Variants in FAM117A observed in about 807,000 individuals in gnomAD.
FAM117A encodes the protein family with sequence similarity 117 member A, also known as protein FAM117A.
Under a neutral mutation model 44.1 loss-of-function variants are expected in FAM117A, and 21 were observed. That is an observed-to-expected ratio of 0.48 (90% CI 0.34 to 0.69). The LOEUF (loss-of-function observed/expected upper bound fraction) is 0.69, where lower values mean the gene tolerates loss of function less well. Ranked by LOEUF, FAM117A falls within the 30% of genes least tolerant of loss-of-function variation. The probability of loss-of-function intolerance (pLI) is 0.01; values close to 1 mark genes in which losing one functional copy is unlikely to be tolerated. For synonymous variants in FAM117A, 220 were observed against 238.3 expected, an observed-to-expected ratio of 0.92 and a Z score of 0.71; for missense variants, 498 against 589.9, an observed-to-expected ratio of 0.84 and a Z score of 1.61.
chr17:49,713,477 A>G (rs2143687533), intron 7 of FAM117A, among the ~76,000 whole-genome samples: 1 of 152,214 alleles, frequency 6.6e-6, no homozygotes, highest in Admixed American at 6.5e-5. Context: ...ACTCAGAGAA[A>G]AATGCACTCA....
At chr17:49,715,531 C>T (rs1425436460) in intron 7 of FAM117A, among the ~76,000 whole-genome samples, 4 of 152,172 alleles carry the variant, frequency 2.6e-5, no homozygotes, top group East Asian at 3.9e-4. Flanking sequence ...TCAATTCTTT[C>T]GGCTAATGGG....
intron 1 of FAM117A, among the ~76,000 whole-genome samples, chr17:49,751,279 C>CA (rs746063068): frequency 0.041 from 1,719 of 42,090 alleles, 31 homozygotes; most frequent in East Asian, 0.17. Flanking sequence ...AATCTGTCTC[C>CA]AAAAAAAAAA....
chr17:49,772,867 C>T (rs943213941), intron 1 of FAM117A, among the ~76,000 whole-genome samples: 1 of 152,002 alleles, frequency 6.6e-6, no homozygotes, highest in Non-Finnish European at 1.5e-5. Context: ...AGCTTATTTT[C>T]AGAGTTGAAA....
intron 1 of FAM117A, among the ~76,000 whole-genome samples, chr17:49,759,574 G>A (rs1415167148): frequency 6.6e-6 from 1 of 152,152 alleles, no homozygotes; most frequent in Non-Finnish European, 1.5e-5. Context: ...GGCATAGAAC[G>A]GTTGGAAATC....
At chr17:49,723,961 AT>A (rs1241370214) in intron 2 of FAM117A, among the ~76,000 whole-genome samples, 9 of 152,138 alleles carry the variant, frequency 5.9e-5, no homozygotes, top group Non-Finnish European at 1.0e-4. Context: ...GCATCCAGAG[AT>A]CCATTTCCCC....
chr17:49,769,012 T>G (rs1336730442), upstream of FAM117A, among the ~76,000 whole-genome samples: 3 of 152,228 alleles, frequency 2.0e-5, no homozygotes, highest in Non-Finnish European at 2.9e-5. Context: ...ATGAAGATTC[T>G]TGGCTGGGTG....
intron 2 of FAM117A, among the ~76,000 whole-genome samples, chr17:49,730,388 C>T (rs560902732): frequency 3.3e-4 from 50 of 152,342 alleles, no homozygotes; most frequent in Admixed American, 2.7e-3. Flanking sequence ...CAAAAACACA[C>T]AGCCTAGGGC....
chr17:49,768,459 T>C (rs2073751602), upstream of FAM117A, among the ~76,000 whole-genome samples: 1 of 152,204 alleles, frequency 6.6e-6, no homozygotes, highest in Admixed American at 6.5e-5. Flanking sequence ...AGACGGTCTC[T>C]GAACTTCCTA....
intron 1 of FAM117A, among the ~76,000 whole-genome samples, chr17:49,750,945 G>A (rs2073674579): frequency 1.3e-5 from 2 of 152,184 alleles, no homozygotes; most frequent in African/African-American, 4.8e-5. Flanking sequence ...AATATTTGTT[G>A]TAATGGGATT....
At chr17:49,755,038 CAAA>C (rs199709334) in intron 1 of FAM117A, among the ~76,000 whole-genome samples, 1 of 43,236 alleles carries the variant, frequency 2.3e-5, no homozygotes, top group Non-Finnish European at 4.8e-5. Flanking sequence ...AACTCCGTCT[CAAA>C]AAAAAAAAAA....
At chr17:49,725,231 C>G (rs1036313391) in intron 2 of FAM117A, among the ~76,000 whole-genome samples, 1 of 152,222 alleles carries the variant, frequency 6.6e-6, no homozygotes, top group Non-Finnish European at 1.5e-5. Flanking sequence ...TTGTCTGCCT[C>G]AGGCTGACTG....
intron 1 of FAM117A, among the ~76,000 whole-genome samples, chr17:49,747,848 T>A (rs1453091638): frequency 6.6e-6 from 1 of 152,194 alleles, no homozygotes; most frequent in Non-Finnish European, 1.5e-5. Flanking sequence ...CAGACCTTGT[T>A]TTGAAGCCCT....
chr17:49,751,236 C>T (rs1357184833), intron 1 of FAM117A, among the ~76,000 whole-genome samples: 1 of 144,902 alleles, frequency 6.9e-6, no homozygotes, highest in East Asian at 2.0e-4. Flanking sequence ...GGTGAGACCA[C>T]GCCATTGCAC....
chr17:49,718,426 T>C (rs2073515490), intron 5 of FAM117A, among the ~76,000 whole-genome samples: 1 of 151,818 alleles, frequency 6.6e-6, no homozygotes, highest in Non-Finnish European at 1.5e-5. Context: ...CCCAGCACTT[T>C]GGGAGGCTGA....
At chr17:49,780,513 T>C (rs967977433) in intron 1 of FAM117A, among the ~76,000 whole-genome samples, 6 of 152,070 alleles carry the variant, frequency 3.9e-5, no homozygotes, top group Non-Finnish European at 8.8e-5. Flanking sequence ...CCCAAGTAAC[T>C]GGGACTACAG....
chr17:49,754,172 AGAC>A (rs1280483617), intron 1 of FAM117A, among the ~76,000 whole-genome samples: 1 of 152,038 alleles, frequency 6.6e-6, no homozygotes, highest in African/African-American at 2.4e-5. Flanking sequence ...GGAGTTAAGA[AGAC>A]AATCCCCAAA....
chr17:49,763,274 T>G (rs975030020), intron 1 of FAM117A, among the ~76,000 whole-genome samples: 10 of 152,018 alleles, frequency 6.6e-5, no homozygotes, highest in Admixed American at 2.0e-4. Flanking sequence ...GCTGGGCATT[T>G]GCACCACGGT....
intron 1 of FAM117A, among the ~76,000 whole-genome samples, chr17:49,747,552 T>C (rs534332274): frequency 1.8e-4 from 28 of 152,348 alleles, no homozygotes; most frequent in Admixed American, 7.8e-4. Flanking sequence ...AAGATCCTAG[T>C]AGAGTTGTTC....
chr17:49,734,575 G>A (rs1290919943), intron 1 of FAM117A, among the ~76,000 whole-genome samples: 1 of 151,960 alleles, frequency 6.6e-6, no homozygotes, highest in East Asian at 1.9e-4. Flanking sequence ...CTGGGCGAAA[G>A]AGTGAGACTC....
Sources: allele counts gnomAD v4.1 joint callset (sites outside exome capture counted in the v4.1 genomes callset), GRCh38; gene constraint gnomAD v4.1.1; transcripts MANE v1.5; gene names NCBI Gene and HGNC (gene_info 2026-07-23, HGNC 2026-07-21).